The following TAAR5 variants were observed in gnomAD, a reference collection of about 807,000 sequenced individuals.
TAAR5 encodes trace amine-associated receptor 5.
Under a neutral mutation model 21.1 loss-of-function variants are expected in TAAR5, and 27 were observed. That is an observed-to-expected ratio of 1.28 (90% CI 0.94 to 1.76). The LOEUF (loss-of-function observed/expected upper bound fraction) is 1.76, where lower values mean the gene tolerates loss of function less well. TAAR5 is among the 40% of genes most tolerant of loss of function. The pLI, the probability that TAAR5 is intolerant of heterozygous loss-of-function variation, is 0.00. For missense variants in TAAR5, 495 were observed against 405.6 expected, an observed-to-expected ratio of 1.22 and a Z score of -1.89; for synonymous variants, 203 against 167.5, an observed-to-expected ratio of 1.21 and a Z score of -1.64.
the TAAR5 span, among the ~76,000 whole-genome samples, chr6:132,596,796 A>G: frequency 3.9e-5 from 6 of 152,212 alleles, no homozygotes; most frequent in Non-Finnish European, 8.8e-5. Context: ...CAGAATACAC[A>G]GAATAAATTG....
At chr6:132,589,758 AAAAAAAAAAAAAAAAAAAT>A, upstream of TAAR5, 1 of 973,148 alleles carries the variant, frequency 1.0e-6, no homozygotes, top group East Asian at 3.1e-5. Flanking sequence ...AAAAAAAAAA[AAAAAAAAAAAAAAAAAAAT>A]ATGTCTGCTA....
At chr6:132,616,473 G>C in the TAAR5 span, among the ~76,000 whole-genome samples, 3 of 152,164 alleles carry the variant, frequency 2.0e-5, no homozygotes, top group Non-Finnish European at 4.4e-5. Context: ...GAGTTCTACT[G>C]TATGTAACAT....
At chr6:132,613,313 T>C in the TAAR5 span, among the ~76,000 whole-genome samples, 1 of 152,218 alleles carries the variant, frequency 6.6e-6, no homozygotes. Flanking sequence ...TTTCATAACC[T>C]GTTTATACGT....
chr6:132,608,176 G>T, the TAAR5 span: 3 of 371,914 alleles, frequency 8.1e-6, no homozygotes, highest in Non-Finnish European at 1.6e-5. Flanking sequence ...GGGATGTAAG[G>T]TATGTGCTGC....
chr6:132,599,911 A>T, the TAAR5 span, among the ~76,000 whole-genome samples: 3 of 152,236 alleles, frequency 2.0e-5, no homozygotes, highest in Non-Finnish European at 4.4e-5. Context: ...ATTTCAACAG[A>T]AAGAAGTTAA....
At chr6:132,590,522 G>A (rs186874081), upstream of TAAR5, among the ~76,000 whole-genome samples, 1 of 152,150 alleles carries the variant, frequency 6.6e-6, no homozygotes, top group Non-Finnish European at 1.5e-5. Flanking sequence ...CCCTTCCTGG[G>A]AAAAAATGTT....
At chr6:132,592,642 A>T (rs375385350), upstream of TAAR5, among the ~76,000 whole-genome samples, 12 of 152,136 alleles carry the variant, frequency 7.9e-5, no homozygotes, top group East Asian at 1.7e-3. Context: ...CATGAGATCT[A>T]GTTGTTTACA....
Position 132,589,159 on chromosome 6 carries a change from C to A in TAAR5, c.528G>T (p.Glu176Asp), listed in dbSNP as rs1776862158. 8 of 1,609,910 alleles carry A rather than the reference C, an allele frequency of 5.0e-6. No individual in the cohort carries two copies. Among genetic ancestry groups the A allele is most frequent in the Non-Finnish European group, 6.8e-6 (8 of 1,178,026 alleles). The change falls in exon 1 of 1, where the codon GAG (glutamate) becomes GAT (aspartate). Residue 176 changes from glutamate (E) to aspartate (D), a missense_variant. Glu to Asp is a conservative substitution (Grantham distance 45). Transcript: ENST00000258034. ...TSLFLYTDVV[E>D]TRLSQWLEEM... The stretch of plus-strand genomic sequence containing the variant: ...CTTCCAGCCACTGGCTGAGCCTTGT[C>A]TCTACCACATCTGTGTAGAGGAATA...
the TAAR5 span, among the ~76,000 whole-genome samples, chr6:132,599,528 C>A: frequency 6.6e-6 from 1 of 151,804 alleles, no homozygotes; most frequent in African/African-American, 2.4e-5. Context: ...GGGGTGTCAC[C>A]ATGTTGGCCA....
At position 132,588,600 on chromosome 6, in the gene TAAR5, C is replaced by T. The variant is rs1776847872; in HGVS notation, c.*73G>A. Reference sequence around the variant, plus strand: ...AAGCATGCCCACAAACTCAACACCACACAGCCCACGGTCACAGTGCCACTT... The same window carrying T: ...AAGCATGCCCACAAACTCAACACCATACAGCCCACGGTCACAGTGCCACTT... On this transcript the variant is annotated 3_prime_UTR_variant, in exon 1 of 1. Transcript: ENST00000258034. The T allele has an allele frequency of 6.6e-7, 1 of 1,519,302 alleles. No homozygotes were observed. 94.1% of individuals were successfully genotyped at this position (1,519,302 alleles called of 1,614,324 possible).
chr6:132,599,323 C>CTTTTTT, the TAAR5 span, among the ~76,000 whole-genome samples: 14 of 98,462 alleles, frequency 1.4e-4, no homozygotes, highest in South Asian at 3.5e-4. Context: ...CTTTTCTTTT[C>CTTTTTT]TTTTTTTTTT....
the TAAR5 span, among the ~76,000 whole-genome samples, chr6:132,598,190 A>T: frequency 2.0e-5 from 3 of 152,110 alleles, no homozygotes; most frequent in African/African-American, 7.2e-5. Flanking sequence ...GATATATCTC[A>T]TCCTTACAAT....
the TAAR5 span, chr6:132,595,075 A>G: frequency 6.6e-6 from 1 of 152,390 alleles, no homozygotes. Flanking sequence ...GAGGTGAAAA[A>G]TGGAGGTGGT....
rs777946395 is a variant in TAAR5 at position 132,589,669 on chromosome 6, G to A, written c.18C>T (p.Ile6=). 3 of 1,437,032 alleles carry A rather than the reference G, an allele frequency of 2.1e-6. No homozygotes were observed. Among genetic ancestry groups the A allele is most frequent in the Non-Finnish European group, 2.8e-6 (3 of 1,072,862 alleles). 89.0% of individuals were successfully genotyped at this position (1,437,032 alleles called of 1,614,324 possible). ...CCGCAGGGTGCTCTTCAGCACCTTG[G>A]ATGAAGACAGCTCTCATTTATGATT... MRAVF[I]QGAEEHPAAF... Residue 6 remains isoleucine (I), a synonymous_variant, in exon 1 of 1, where the codon ATC becomes ATT. Coordinates refer to ENST00000258034, the MANE Select transcript of TAAR5 (RefSeq NM_003967.3).
At chr6:132,609,180 T>C in the TAAR5 span, 1 of 363,310 alleles carries the variant, frequency 2.8e-6, no homozygotes, top group Middle Eastern at 3.8e-4. Flanking sequence ...GAATACATTA[T>C]CACCTGGACA....
At chr6:132,599,065 A>C in the TAAR5 span, among the ~76,000 whole-genome samples, 2 of 152,170 alleles carry the variant, frequency 1.3e-5, no homozygotes, top group Non-Finnish European at 2.9e-5. Flanking sequence ...TTTTAAGTTC[A>C]TAATTTTTCA....
At chr6:132,598,044 T>C in the TAAR5 span, among the ~76,000 whole-genome samples, 1 of 152,134 alleles carries the variant, frequency 6.6e-6, no homozygotes, top group Non-Finnish European at 1.5e-5. Flanking sequence ...CAATGCATTG[T>C]AAATAAATGG....
At chr6:132,610,210 C>A in the TAAR5 span, among the ~76,000 whole-genome samples, 4 of 152,138 alleles carry the variant, frequency 2.6e-5, no homozygotes, top group African/African-American at 9.7e-5. Flanking sequence ...TTGCTATTTG[C>A]TTCGGAATAC....
chr6:132,609,831 C>G, the TAAR5 span, among the ~76,000 whole-genome samples: 1 of 152,080 alleles, frequency 6.6e-6, no homozygotes, highest in South Asian at 2.1e-4. Context: ...ATATTGCTGC[C>G]GAAACATGCA....
Sources: allele counts gnomAD v4.1 joint callset (sites outside exome capture counted in the v4.1 genomes callset), GRCh38; gene constraint gnomAD v4.1.1; transcripts MANE v1.5; gene names NCBI Gene and HGNC (gene_info 2026-07-23, HGNC 2026-07-21).